DNAJC27: variants seen among roughly 807,000 people sequenced by gnomAD.
DNAJC27 encodes the protein dnaJ homolog subfamily C member 27.
In DNAJC27, 25 loss-of-function variants were observed where a neutral mutation model predicts 31.4. That is an observed-to-expected ratio of 0.80 (90% CI 0.58 to 1.11). The LOEUF is 1.11. DNAJC27 is among the 50% of genes most tolerant of loss of function. The probability of loss-of-function intolerance (pLI) is 0.00; values close to 1 mark genes in which losing one functional copy is unlikely to be tolerated. For missense variants in DNAJC27, 356 were observed against 347.3 expected (o/e 1.02, Z -0.20); for synonymous variants, 106 against 112.7 (o/e 0.94, Z 0.37).
Position 24,957,152 on chromosome 2 carries a change from T to C in DNAJC27, c.419A>G (p.Lys140Arg). The C allele has an allele frequency of 6.2e-7, 1 of 1,602,180 alleles. No individual in the cohort carries two copies. The highest frequency in any genetic ancestry group is 8.5e-7 in the Non-Finnish European group (1 of 1,176,292). The change falls in exon 5 of 7, where the codon AAA becomes AGA. Residue 140 changes from lysine (K) to arginine (R), a missense_variant. Transcript: ENST00000264711. ...TTCACTTTCATCTACACAGCGATGTTTGGTACAATCAATCTGAAATAGAAG... is the reference window on the plus strand; with the variant it reads ...TTCACTTTCATCTACACAGCGATGTCTGGTACAATCAATCTGAAATAGAAG... ...VVCANKIDCT[K>R]HRCVDESEGR...
At chr2:24,956,128 G>A (rs1665898421) in intron 5 of DNAJC27, among the ~76,000 whole-genome samples, 1 of 152,168 alleles carries the variant, frequency 6.6e-6, no homozygotes, top group East Asian at 1.9e-4. Context: ...TCTAGCAGGA[G>A]GAGTGACATC....
chr2:24,971,978 G>A (rs1404198047), upstream of DNAJC27: 3 of 1,072,322 alleles, frequency 2.8e-6, no homozygotes, highest in Non-Finnish European at 3.8e-6. Context: ...AGGCCTCCTC[G>A]TCCAATGGCG....
At chr2:24,950,643 T>C (rs1277579609) in intron 6 of DNAJC27, among the ~76,000 whole-genome samples, 1 of 151,978 alleles carries the variant, frequency 6.6e-6, no homozygotes, top group African/African-American at 2.4e-5. Context: ...GGCCAGGAGT[T>C]CAAGACCAGC....
chr2:24,962,863 A>G (rs1666083419), intron 3 of DNAJC27, among the ~76,000 whole-genome samples: 1 of 152,222 alleles, frequency 6.6e-6, no homozygotes, highest in Non-Finnish European at 1.5e-5. Flanking sequence ...GAAAAGAGCA[A>G]AAAACCTCCT....
At chr2:24,970,028 A>G (rs1194083558) in intron 1 of DNAJC27, among the ~76,000 whole-genome samples, 1 of 152,208 alleles carries the variant, frequency 6.6e-6, no homozygotes, top group Non-Finnish European at 1.5e-5. Context: ...CCATTTGCCT[A>G]AGTAATTTAT....
At position 24,965,726 on chromosome 2, in the gene DNAJC27, C is replaced by T. The variant is rs182631010; in HGVS notation, c.170+1485G>A. Among the ~76,000 whole-genome samples the T allele has an allele frequency of 2.1e-4, 32 of 152,282 alleles. No homozygotes were observed. In the East Asian group the frequency reaches 5.4e-3, roughly 26 times the overall value. On this transcript the variant is annotated intron_variant, in intron 2 of 6. Coordinates refer to ENST00000264711, the MANE Select transcript of DNAJC27 (RefSeq NM_016544.3). ...GTTTTACTCTACCATTTACTGGGGC[C>T]ACTTTAAAAAGCCATGAAGGATACA... is the stretch of plus-strand genomic sequence containing the variant.
At chr2:24,967,183 T>C (rs931044825) in intron 2 of DNAJC27, 28 bp downstream of exon 2, 2 of 1,582,474 alleles carry the variant, frequency 1.3e-6, no homozygotes, top group African/African-American at 2.7e-5. Context: ...CTATGTAACT[T>C]ACAAACCCAG....
chr2:24,959,016 T>A (rs533486253), intron 3 of DNAJC27, among the ~76,000 whole-genome samples: 56 of 152,332 alleles, frequency 3.7e-4, no homozygotes, highest in Admixed American at 3.6e-3. Flanking sequence ...CCAAGGATAT[T>A]AAGTGCTCCT....
At chr2:24,967,384 A>C in intron 1 of DNAJC27, 91 bp from the exon 2 acceptor site, 1 of 1,013,010 alleles carries the variant, frequency 9.9e-7, no homozygotes. Context: ...TCCTCCATTC[A>C]TCACTATGAA....
intron 1 of DNAJC27, among the ~76,000 whole-genome samples, chr2:24,967,775 A>G (rs181355973): frequency 6.6e-6 from 1 of 151,936 alleles, no homozygotes; most frequent in East Asian, 1.9e-4. Flanking sequence ...TTATTTTTAA[A>G]TTCTTCCCTT....
intron 1 of DNAJC27, chr2:24,969,476 GA>G (rs1213930975): frequency 1.1e-4 from 20 of 179,166 alleles, no homozygotes; most frequent in South Asian, 5.4e-4. Flanking sequence ...TCATCACAGT[GA>G]AAAAAAATTT....
At chr2:24,962,375 C>A (rs1279404179) in intron 3 of DNAJC27, among the ~76,000 whole-genome samples, 1 of 152,164 alleles carries the variant, frequency 6.6e-6, no homozygotes, top group Non-Finnish European at 1.5e-5. Context: ...CCTACCTCAG[C>A]CTCCCAGGAA....
chr2:24,946,729 T>G lies in DNAJC27; in HGVS notation c.*887A>C, dbSNP rs990973403. The stretch of plus-strand genomic sequence containing the variant: ...CTTACTATGTTGCCCAGGTGGGACT[T>G]GAGCTCCTGGGCTTAAGCAATCCTC... On this transcript the variant is annotated 3_prime_UTR_variant, in exon 7 of 7. Transcript: ENST00000264711. The G allele has an allele frequency of 6.6e-6, 1 of 152,164 alleles. No homozygotes were observed. The highest frequency in any genetic ancestry group is 1.5e-5 in the Non-Finnish European group (1 of 68,030). 9.4% of individuals were successfully genotyped at this position (152,164 alleles called of 1,614,324 possible). A position where few individuals can be genotyped will look rare whatever the true frequency, so the allele number is the denominator to read the frequency against.
Position 24,967,251 on chromosome 2 carries a change from T to C in DNAJC27, c.130A>G (p.Lys44Glu). ...KRYCEKRFVSKYLATIGIDYG... is the reference protein window; with the variant it reads ...KRYCEKRFVSEYLATIGIDYG... ...TCAATTCCAATTGTTGCCAGGTATT[T>C]AGACACGAATCTTTTCTCACAGTAT... The change falls in exon 2 of 7, where the codon AAA (lysine) becomes GAA (glutamate). Residue 44 changes from lysine to glutamate, a missense_variant. Coordinates refer to ENST00000264711, the MANE Select transcript of DNAJC27 (RefSeq NM_016544.3). The C allele has an allele frequency of 6.2e-7, 1 of 1,613,992 alleles. No homozygotes were observed.
chr2:24,970,854 G>A (rs1470475018), intron 1 of DNAJC27, among the ~76,000 whole-genome samples: 2 of 152,052 alleles, frequency 1.3e-5, no homozygotes, highest in East Asian at 3.9e-4. Context: ...AAGTAGTACG[G>A]GATCATGCTA....
Position 24,957,119 on chromosome 2 carries a change from A to T in DNAJC27, c.452T>A (p.Leu151His). 6.2e-7 allele frequency: 1 copy of T among 1,610,680 alleles called. No individual in the cohort carries two copies. Among genetic ancestry groups the T allele is most frequent in the African/African-American group, 1.3e-5 (1 of 74,776 alleles). ...CAGGAACCCTTTGCTTTCAGCCCAA[A>T]GACGTCCTTCACTTTCATCTACACA... is the stretch of plus-strand genomic sequence containing the variant. The part of the protein sequence containing the change: ...HRCVDESEGR[L>H]WAESKGFLYF... The change falls in exon 5 of 7, where the codon CTT becomes CAT. Residue 151 changes from leucine to histidine, a missense_variant. By Grantham distance (99) the Leu-to-His change is moderately conservative. Coordinates refer to ENST00000264711, the MANE Select transcript of DNAJC27 (RefSeq NM_016544.3).
At chr2:24,951,317 T>TA (rs1161443603) in intron 6 of DNAJC27, 77 bp downstream of exon 6, 1 of 1,387,962 alleles carries the variant, frequency 7.2e-7, no homozygotes, top group East Asian at 2.4e-5. Context: ...TGGAGGAAGA[T>TA]ATACTGCACC....
intron 4 of DNAJC27, 124 bp from the exon 5 acceptor site, chr2:24,957,289 G>A: frequency 9.2e-7 from 1 of 1,090,356 alleles, no homozygotes; most frequent in South Asian, 1.9e-5. Context: ...GCCTGCACTA[G>A]TGTGTAAAAT....
At chr2:24,958,558 T>C (rs889771831) in intron 3 of DNAJC27, 1 of 418,752 alleles carries the variant, frequency 2.4e-6, no homozygotes, top group South Asian at 1.8e-5. Flanking sequence ...AGTTTTGTGA[T>C]CTTGGGCAAG....
Sources: allele counts gnomAD v4.1 joint callset (sites outside exome capture counted in the v4.1 genomes callset), GRCh38; gene constraint gnomAD v4.1.1; transcripts MANE v1.5; gene names NCBI Gene and HGNC (gene_info 2026-07-23, HGNC 2026-07-21).